Variants in LRRTM3 observed in about 807,000 individuals in gnomAD.
LRRTM3 encodes the protein leucine-rich repeat transmembrane neuronal protein 3.
A neutral mutation model predicts 44.7 loss-of-function variants in LRRTM3; 24 were observed. That is an observed-to-expected ratio of 0.54 (90% confidence interval 0.39 to 0.76). The LOEUF (loss-of-function observed/expected upper bound fraction) is 0.76. LRRTM3 is among the 30% of genes least tolerant of loss of function. The pLI, the probability that LRRTM3 is intolerant of heterozygous loss-of-function variation, is 0.00. For synonymous variants in LRRTM3, 277 were observed against 278.7 expected (o/e 0.99, Z 0.06); for missense variants, 587 against 702.2 (o/e 0.84, Z 1.85).
intron 2 of LRRTM3, among the ~76,000 whole-genome samples, chr10:67,020,309 A>G (rs1034643751): frequency 2.0e-5 from 3 of 152,194 alleles, no homozygotes; most frequent in African/African-American, 7.2e-5. Flanking sequence ...ATACAGCCTC[A>G]TGTTAAATTA....
intron 2 of LRRTM3, among the ~76,000 whole-genome samples, chr10:66,962,274 C>T (rs1344326084): frequency 6.6e-6 from 1 of 152,110 alleles, no homozygotes; most frequent in African/African-American, 2.4e-5. Flanking sequence ...CACCCACTAG[C>T]CTCTCTTTGG....
At position 67,005,682 on chromosome 10, in the gene LRRTM3, C is replaced by CTTTTTTTTTTTTTTTTTTTTTTTT. The variant is rs11369576; in HGVS notation, c.1536+77251_1536+77252insTTTTTTTTTTTTTTTTTTTTTTTT. Among the ~76,000 whole-genome samples, 27 of 61,982 alleles carry CTTTTTTTTTTTTTTTTTTTTTTTT rather than the reference C, an allele frequency of 4.4e-4. 9 individuals are homozygous for CTTTTTTTTTTTTTTTTTTTTTTTT. The highest frequency in any genetic ancestry group is 1.4e-3 in the East Asian group (2 of 1,460). The allele number at this position is 61,982 out of a possible 152,430, so 40.7% of individuals were successfully genotyped here. On this transcript the variant is annotated intron_variant, in intron 2 of 2. Coordinates refer to ENST00000361320, the MANE Select transcript of LRRTM3 (RefSeq NM_178011.5). ...AATGCTTTTGTTTATTTTACTCCAT[C>CTTTTTTTTTTTTTTTTTTTTTTTT]TTTTTTTTTTTTTTTTTTTTTGAGA...
chr10:67,098,452 T>A lies in LRRTM3; in HGVS notation c.*656T>A, dbSNP rs1858145543. On this transcript the variant is annotated 3_prime_UTR_variant, in exon 3 of 3. Transcript: ENST00000361320. The stretch of plus-strand genomic sequence containing the variant: ...GGTTCTTCAATTACATAGGCAGGTT[T>A]TTCTTAAAAATGAAAAAAAAATCAA... 6.6e-6 allele frequency: 1 copy of A among 152,340 alleles called. No individual in the cohort carries two copies. Among genetic ancestry groups the A allele is most frequent in the African/African-American group, 2.4e-5 (1 of 41,402 alleles). 9.4% of individuals were successfully genotyped at this position (152,340 alleles called of 1,614,324 possible).
chr10:66,964,953 A>C (rs536913743), intron 2 of LRRTM3, among the ~76,000 whole-genome samples: 1 of 152,300 alleles, frequency 6.6e-6, no homozygotes, highest in Non-Finnish European at 1.5e-5. Context: ...AATAATAGAA[A>C]ATTTAAAGCT....
chr10:66,974,917 A>G (rs1849945742), intron 2 of LRRTM3, among the ~76,000 whole-genome samples: 1 of 152,184 alleles, frequency 6.6e-6, no homozygotes, highest in South Asian at 2.1e-4. Flanking sequence ...TTAAGGAGAA[A>G]AAAGTATTCC....
chr10:67,045,586 T>C (rs1854683340), intron 2 of LRRTM3, among the ~76,000 whole-genome samples: 1 of 152,146 alleles, frequency 6.6e-6, no homozygotes, highest in African/African-American at 2.4e-5. Context: ...GAACTTCCAT[T>C]GCGTGACGGG....
chr10:66,962,542 TG>T (rs1231328465), intron 2 of LRRTM3, among the ~76,000 whole-genome samples: 1 of 152,032 alleles, frequency 6.6e-6, no homozygotes, highest in East Asian at 1.9e-4. Context: ...ACTGAGTAGC[TG>T]GGATTACAGG....
chr10:67,019,845 C>A (rs1434942779), intron 2 of LRRTM3, among the ~76,000 whole-genome samples: 2 of 152,196 alleles, frequency 1.3e-5, no homozygotes, highest in African/African-American at 4.8e-5. Context: ...ATGAACAAAT[C>A]TGTTCCTCTT....
intron 2 of LRRTM3, among the ~76,000 whole-genome samples, chr10:67,062,957 G>A (rs1286432872): frequency 1.3e-5 from 2 of 152,078 alleles, no homozygotes; most frequent in African/African-American, 2.4e-5. Context: ...CTCATATGCT[G>A]AGAGTTAATC....
intron 2 of LRRTM3, among the ~76,000 whole-genome samples, chr10:67,002,353 A>G (rs1224615915): frequency 6.6e-6 from 1 of 152,178 alleles, no homozygotes; most frequent in African/African-American, 2.4e-5. Flanking sequence ...GTCATCTAGG[A>G]TCATTGTTTA....
Position 66,926,473 on chromosome 10 carries a change from T to G in LRRTM3, c.-111T>G. ...TCCCAAGGGGTCCAATTTTTCTTCC[T>G]GGGTGTCAGCGAGCCCTGACTCACT... On this transcript the variant is annotated 5_prime_UTR_variant, in exon 1 of 3. Transcript: ENST00000361320. 2 of 1,272,130 alleles carry G rather than the reference T, an allele frequency of 1.6e-6. No homozygotes were observed. Among genetic ancestry groups the G allele is most frequent in the Non-Finnish European group, 2.2e-6 (2 of 892,692 alleles). 78.8% of individuals were successfully genotyped at this position (1,272,130 alleles called of 1,614,324 possible).
At chr10:67,026,743 T>C (rs933450458) in intron 2 of LRRTM3, among the ~76,000 whole-genome samples, 8 of 152,198 alleles carry the variant, frequency 5.3e-5, no homozygotes, top group Non-Finnish European at 1.2e-4. Flanking sequence ...ACCTCTTCTG[T>C]CTGGTTCTTA....
intron 2 of LRRTM3, among the ~76,000 whole-genome samples, chr10:67,078,889 T>C (rs948451384): frequency 1.3e-5 from 2 of 152,178 alleles, no homozygotes; most frequent in African/African-American, 2.4e-5. Context: ...ATTTTGACAA[T>C]GCAAAAGCAG....
intron 2 of LRRTM3, among the ~76,000 whole-genome samples, chr10:67,026,094 T>C (rs1853364709): frequency 7.4e-6 from 1 of 135,138 alleles, no homozygotes; most frequent in Non-Finnish European, 1.6e-5. Flanking sequence ...AACATCACAC[T>C]CTGGGGACTG....
intron 2 of LRRTM3, among the ~76,000 whole-genome samples, chr10:67,014,772 G>GA (rs959526037): frequency 2.5e-4 from 37 of 150,502 alleles, no homozygotes; most frequent in African/African-American, 7.6e-4. Context: ...CCATTTATCA[G>GA]AAAAAAAACA....
At chr10:67,062,162 G>C (rs1855794094) in intron 2 of LRRTM3, among the ~76,000 whole-genome samples, 1 of 149,568 alleles carries the variant, frequency 6.7e-6, no homozygotes, top group Non-Finnish European at 1.5e-5. Flanking sequence ...GATGATATTT[G>C]TATCCCCATT....
chr10:67,076,257 G>A (rs1267935247), intron 2 of LRRTM3, among the ~76,000 whole-genome samples: 1 of 152,192 alleles, frequency 6.6e-6, no homozygotes, highest in East Asian at 1.9e-4. Context: ...TAGGATTAAT[G>A]CTAACTTTTC....
intron 2 of LRRTM3, among the ~76,000 whole-genome samples, chr10:66,929,091 A>G (rs1847231424): frequency 6.6e-6 from 1 of 152,218 alleles, no homozygotes; most frequent in Admixed American, 6.5e-5. Context: ...TGAAGGGTTA[A>G]AATACTGCAA....
intron 2 of LRRTM3, among the ~76,000 whole-genome samples, chr10:66,979,262 C>G (rs973665137): frequency 1.3e-5 from 2 of 152,052 alleles, no homozygotes; most frequent in Non-Finnish European, 1.5e-5. Flanking sequence ...GCCACCATGC[C>G]TGGTCATAAC....
Sources: allele counts gnomAD v4.1 joint callset (sites outside exome capture counted in the v4.1 genomes callset), GRCh38; gene constraint gnomAD v4.1.1; transcripts MANE v1.5; gene names NCBI Gene and HGNC (gene_info 2026-07-23, HGNC 2026-07-21).